Variants in PRKAG2 observed in about 807,000 individuals in gnomAD.
PRKAG2 encodes the protein protein kinase AMP-activated non-catalytic subunit gamma 2.
A neutral mutation model predicts 69.6 loss-of-function variants in PRKAG2; 26 were observed. The ratio of observed to expected loss-of-function variants is 0.37; its 90% CI spans 0.27 to 0.52. PRKAG2 has a LOEUF of 0.52. Among genes scored for constraint, PRKAG2 ranks in the 20% least tolerant of loss-of-function variants. PRKAG2 has a pLI of 0.90. For missense variants in PRKAG2, 557 were observed against 740.0 expected, an observed-to-expected ratio of 0.75 and a Z score of 2.87; for synonymous variants, 293 against 285.0, an observed-to-expected ratio of 1.03 and a Z score of -0.28.
chr7:151,794,881 C>G (rs2077423501), intron 1 of PRKAG2, among the ~76,000 whole-genome samples: 1 of 152,212 alleles, frequency 6.6e-6, no homozygotes, highest in East Asian at 1.9e-4. Flanking sequence ...CTTTACTTGA[C>G]CAGAGCTCCA....
chr7:151,821,565 C>G (rs2078780124), intron 1 of PRKAG2, among the ~76,000 whole-genome samples: 2 of 152,164 alleles, frequency 1.3e-5, no homozygotes, highest in South Asian at 4.2e-4. Context: ...GCACAAGGCT[C>G]CCCAATTTAA....
At position 151,603,594 on chromosome 7, in the gene PRKAG2, C is replaced by T. The variant is rs1346246773; in HGVS notation, c.755-8140G>A. On this transcript the variant is annotated intron_variant, in intron 5 of 15. Transcript: ENST00000287878. ...GGACACGCTCCGTCCTCACCGCACA[C>T]GGAGGGACACGCTCCGTCCTCACCG... 8.2e-4 allele frequency among the ~76,000 whole-genome samples: 120 copies of T among 146,578 alleles called. 3 individuals carry two copies. Among genetic ancestry groups the T allele is most frequent in the African/African-American group, 2.7e-3 (104 of 38,326 alleles).
chr7:151,773,028 AGAGAGAGAGAGAGAGAG>A (rs1563639445), intron 3 of PRKAG2, among the ~76,000 whole-genome samples: 2,128 of 50,550 alleles, frequency 0.042, 117 homozygotes, highest in Non-Finnish European at 0.05. Flanking sequence ...AAAGAAAGAG[AGAGAGAGAGAGAGAGAG>A]AGAGAGAGGG....
At chr7:151,692,447 G>A (rs1179617361) in intron 3 of PRKAG2, among the ~76,000 whole-genome samples, 2 of 152,158 alleles carry the variant, frequency 1.3e-5, no homozygotes, top group African/African-American at 4.8e-5. Flanking sequence ...AGGATGAGGG[G>A]AGAAATTGAC....
intron 3 of PRKAG2, chr7:151,735,857 C>G (rs1239507952): frequency 6.5e-7 from 1 of 1,535,886 alleles, no homozygotes; most frequent in East Asian, 2.4e-5. Flanking sequence ...GGTTCCCTCC[C>G]AAGGACAGAC....
rs1258494294 is a variant in PRKAG2 at position 151,565,808 on chromosome 7, G to A, written c.1311C>T (p.Ala437=). The A allele has an allele frequency of 1.2e-6, 2 of 1,612,280 alleles. No individual in the cohort carries two copies. The highest frequency in any genetic ancestry group is 1.7e-4 in the Middle Eastern group (1 of 6,058). ...ELGIGTYHNI[A]FIHPDTPIIK... is the part of the protein sequence containing the mutation. ...TGATGGGAGTGTCTGGATGTATGAA[G>A]GCAATGTTGTGGTACGTTCCTATTC... is the stretch of plus-strand genomic sequence containing the variant. The change falls in exon 12 of 16, where the codon GCC becomes GCT. Residue 437 remains alanine (A), a synonymous_variant. Transcript: ENST00000287878.
intron 3 of PRKAG2, among the ~76,000 whole-genome samples, chr7:151,677,548 T>C (rs1013500853): frequency 6.6e-6 from 1 of 152,250 alleles, no homozygotes; most frequent in Non-Finnish European, 1.5e-5. Flanking sequence ...AAATTTGAAT[T>C]ATGCAAGTCA....
intron 3 of PRKAG2, among the ~76,000 whole-genome samples, chr7:151,694,861 G>A (rs915841002): frequency 5.9e-5 from 9 of 152,226 alleles, no homozygotes; most frequent in African/African-American, 2.2e-4. Flanking sequence ...CCAGAGCAAG[G>A]AGTAAGGACA....
chr7:151,575,710 C>T (rs1467169328), intron 7 of PRKAG2, among the ~76,000 whole-genome samples: 2 of 152,054 alleles, frequency 1.3e-5, no homozygotes, highest in Non-Finnish European at 2.9e-5. Context: ...CCATGTGTGG[C>T]CCAAAGTGGG....
At chr7:151,860,037 G>T (rs6968311) in intron 1 of PRKAG2, among the ~76,000 whole-genome samples, 71,697 of 152,076 alleles carry the variant, frequency 0.47, 17,791 homozygotes, top group African/African-American at 0.64. Context: ...AGGTGGCCGG[G>T]CACCTGGAGC....
chr7:151,827,763 A>AAAAAAAAAAC, intron 1 of PRKAG2, among the ~76,000 whole-genome samples: 1 of 148,628 alleles, frequency 6.7e-6, no homozygotes, highest in African/African-American at 2.4e-5. Flanking sequence ...AAAAAAAAAA[A>AAAAAAAAAAC]AAAAAAAAAA....
chr7:151,633,538 G>T, intron 4 of PRKAG2, among the ~76,000 whole-genome samples: 1 of 151,528 alleles, frequency 6.6e-6, no homozygotes, highest in East Asian at 1.9e-4. Flanking sequence ...AACTCACCTG[G>T]AATTAGTGAG....
rs1554622417 is a variant in PRKAG2, at chr7:151,875,614, T to TAC, written c.114+891_114+892dup. 1.4e-4 allele frequency among the ~76,000 whole-genome samples: 20 copies of TAC among 140,020 alleles called. 1 individual carries two copies. In the East Asian group the frequency reaches 4.0e-3, roughly 28 times the overall value. 91.9% of individuals were successfully genotyped at this position (140,020 alleles called of 152,430 possible). On this transcript the variant is annotated intron_variant, in intron 1 of 15. Transcript: ENST00000287878. ...GTGTGTGTGTGTGTGTGTGTGTGTG[T>TAC]ACACAAACATTTACTTGGTTGGCTG...
rs1038391035 is a variant in PRKAG2, at chr7:151,795,871, A to G, written c.115-9330T>C. 1.2e-3 allele frequency among the ~76,000 whole-genome samples: 136 copies of G among 114,150 alleles called. 1 individual carries two copies. Among genetic ancestry groups the G allele is most frequent in the African/African-American group, 4.6e-3 (130 of 28,044 alleles). 74.9% of individuals were successfully genotyped at this position (114,150 alleles called of 152,430 possible). On this transcript the variant is annotated intron_variant, in intron 1 of 15. Coordinates refer to ENST00000287878, the MANE Select transcript of PRKAG2 (RefSeq NM_016203.4). Reference sequence around the variant, plus strand: ...CATATATATATATATATATATATATATATATATATATATATATATCACGAT... The same window carrying G: ...CATATATATATATATATATATATATGTATATATATATATATATATCACGAT...
At chr7:151,585,856 C>G (rs138010565) in intron 6 of PRKAG2, among the ~76,000 whole-genome samples, 2 of 152,298 alleles carry the variant, frequency 1.3e-5, no homozygotes, top group African/African-American at 4.8e-5. Flanking sequence ...AGCAGAAGTA[C>G]AGGAAGGGAG....
chr7:151,869,992 T>C (rs1005245339), intron 1 of PRKAG2, among the ~76,000 whole-genome samples: 1 of 152,218 alleles, frequency 6.6e-6, no homozygotes, highest in Non-Finnish European at 1.5e-5. Context: ...CACAGGCAGC[T>C]CTGGCTACAG....
At chr7:151,764,200 T>C (rs1388824139) in intron 3 of PRKAG2, among the ~76,000 whole-genome samples, 2 of 152,092 alleles carry the variant, frequency 1.3e-5, no homozygotes, top group Admixed American at 6.6e-5. Flanking sequence ...AAAGTGGTGA[T>C]GGAAACATCT....
At position 151,560,611 on chromosome 7, in the gene PRKAG2, G is replaced by A. The variant is rs121908990; in HGVS notation, c.1591C>T (p.Arg531Trp). 1.2e-6 allele frequency: 2 copies of A among 1,614,040 alleles called. No homozygotes were observed. Among genetic ancestry groups the A allele is most frequent in the Middle Eastern group, 1.6e-4 (1 of 6,062 alleles). The change falls in exon 15 of 16, where the codon CGG (arginine) becomes TGG (tryptophan). Residue 531 changes from arginine (R) to tryptophan (W), a missense_variant. By Grantham distance (101) the Arg-to-Trp change is moderately radical (BLOSUM62 -3). Around this residue, in one of 2 missense-constraint regions of PRKAG2, gnomAD observed 205 missense variants for 383.4 expected, o/e 0.53. Transcript: ENST00000287878. The part of the protein sequence containing the change: ...VDRIVRAEVH[R>W]LVVVNEADSI... ...TCTGCTTCATTTACCACCACCAGCCGATGGACCTGCAAAGAGAAAAGCAGG... is the reference window on the plus strand; with the variant it reads ...TCTGCTTCATTTACCACCACCAGCCAATGGACCTGCAAAGAGAAAAGCAGG...
At chr7:151,603,214 C>T (rs1464796281) in intron 5 of PRKAG2, among the ~76,000 whole-genome samples, 2 of 44,682 alleles carry the variant, frequency 4.5e-5, no homozygotes, top group Admixed American at 2.1e-4. Flanking sequence ...CGGAGGGACA[C>T]GCTCCGTCCT....
Sources: gnomAD v4.1 joint callset for allele counts (sites outside exome capture counted in the v4.1 genomes callset) on GRCh38, gnomAD v4.1.1 for gene constraint, gnomAD v4.1.1 regional missense constraint, MANE v1.5 for transcripts, NCBI Gene and HGNC (gene_info 2026-07-23, HGNC 2026-07-21) for gene names.